The following SLC24A2 variants were observed in gnomAD, a reference collection of about 807,000 sequenced individuals.
The protein encoded by SLC24A2 is solute carrier family 24 member 2, also known as sodium/potassium/calcium exchanger 2.
A neutral mutation model predicts 62.0 loss-of-function variants in SLC24A2; 36 were observed. That is an observed-to-expected ratio of 0.58 (90% CI 0.44 to 0.77). SLC24A2 has a LOEUF of 0.77. Ranked by LOEUF, SLC24A2 falls within the 30% of genes least tolerant of loss-of-function variation. The pLI is 0.00. For missense variants in SLC24A2, 846 were observed against 817.9 expected (o/e 1.03, Z -0.42); for synonymous variants, 358 against 294.0 (o/e 1.22, Z -2.23).
At chr9:19,895,891 C>A in the SLC24A2 span, 9 of 1,613,280 alleles carry the variant, frequency 5.6e-6, no homozygotes, top group Admixed American at 1.3e-4. Context: ...CAGTGTGATG[C>A]GCCGGGCAGG....
chr9:20,247,344 C>G, the SLC24A2 span, among the ~76,000 whole-genome samples: 1 of 152,096 alleles, frequency 6.6e-6, no homozygotes, highest in Non-Finnish European at 1.5e-5. Context: ...AGCCTTGCCT[C>G]TCCCACTGCT....
chr9:19,833,255 G>T, the SLC24A2 span, among the ~76,000 whole-genome samples: 1 of 152,178 alleles, frequency 6.6e-6, no homozygotes, highest in African/African-American at 2.4e-5. Context: ...AGTGCACTGT[G>T]TGTGAGCCAA....
At chr9:20,263,859 CCG>C in the SLC24A2 span, among the ~76,000 whole-genome samples, 4 of 43,250 alleles carry the variant, frequency 9.2e-5, no homozygotes, top group African/African-American at 2.7e-4. Flanking sequence ...GATATCCCAC[CCG>C]CCCCCCCCCC....
At chr9:20,267,281 A>T in the SLC24A2 span, among the ~76,000 whole-genome samples, 1 of 152,158 alleles carries the variant, frequency 6.6e-6, no homozygotes, top group Non-Finnish European at 1.5e-5. Flanking sequence ...AACCATCACC[A>T]TCCCCACCCT....
the SLC24A2 span, among the ~76,000 whole-genome samples, chr9:20,086,065 A>T: frequency 6.6e-6 from 1 of 152,118 alleles, no homozygotes; most frequent in Non-Finnish European, 1.5e-5. Context: ...AGCTCACTGG[A>T]TGCATAAAAC....
At chr9:19,980,697 T>C in the SLC24A2 span, among the ~76,000 whole-genome samples, 1 of 152,164 alleles carries the variant, frequency 6.6e-6, no homozygotes, top group Non-Finnish European at 1.5e-5. Flanking sequence ...ATCTAGATGG[T>C]CATCTTACCT....
At chr9:20,111,440 G>T in the SLC24A2 span, among the ~76,000 whole-genome samples, 105 of 152,192 alleles carry the variant, frequency 6.9e-4, 3 homozygotes, top group South Asian at 0.011. Context: ...GTCTCTTATT[G>T]CTTTTCTAAA....
At chr9:20,108,939 G>C in the SLC24A2 span, among the ~76,000 whole-genome samples, 1 of 152,180 alleles carries the variant, frequency 6.6e-6, no homozygotes, top group South Asian at 2.1e-4. Context: ...CAACAATAGA[G>C]CACATATACT....
the SLC24A2 span, among the ~76,000 whole-genome samples, chr9:20,054,619 T>C: frequency 6.6e-6 from 1 of 152,194 alleles, no homozygotes; most frequent in African/African-American, 2.4e-5. Context: ...AAGTCCATTA[T>C]ATAATTCTTA....
the SLC24A2 span, among the ~76,000 whole-genome samples, chr9:20,300,755 A>G: frequency 6.6e-6 from 1 of 152,154 alleles, no homozygotes; most frequent in African/African-American, 2.4e-5. Flanking sequence ...TTTAATTAAT[A>G]CCTTCACAGA....
At chr9:19,686,041 G>T (rs1819871326) in intron 2 of SLC24A2, among the ~76,000 whole-genome samples, 1 of 152,052 alleles carries the variant, frequency 6.6e-6, no homozygotes, top group Admixed American at 6.6e-5. Context: ...ATAATATCCA[G>T]AATCTATAAG....
At chr9:19,899,601 C>A in the SLC24A2 span, among the ~76,000 whole-genome samples, 3 of 152,126 alleles carry the variant, frequency 2.0e-5, no homozygotes, top group South Asian at 6.2e-4. Context: ...ACAAAGAGAG[C>A]CAATGTTCTA....
chr9:20,051,042 A>C, the SLC24A2 span, among the ~76,000 whole-genome samples: 2 of 152,206 alleles, frequency 1.3e-5, no homozygotes, highest in Non-Finnish European at 2.9e-5. Context: ...CAAATATATC[A>C]CTAATTATAT....
chr9:19,901,094 C>T, the SLC24A2 span, among the ~76,000 whole-genome samples: 2 of 152,312 alleles, frequency 1.3e-5, no homozygotes, highest in East Asian at 1.9e-4. Flanking sequence ...GCCAGTCGTG[C>T]AGGCAACAAA....
the SLC24A2 span, among the ~76,000 whole-genome samples, chr9:20,113,282 G>A: frequency 6.6e-6 from 1 of 152,030 alleles, no homozygotes; most frequent in Non-Finnish European, 1.5e-5. Context: ...GCCAAATCCT[G>A]GCTGCACCAT....
At chr9:19,525,424 G>C (rs1211766970) in intron 9 of SLC24A2, among the ~76,000 whole-genome samples, 2 of 85,398 alleles carry the variant, frequency 2.3e-5, no homozygotes, top group Non-Finnish European at 4.3e-5. Context: ...TTTTTTAAAA[G>C]ACAGGGTCTT....
intron 2 of SLC24A2, among the ~76,000 whole-genome samples, chr9:19,626,026 G>A (rs571571498): frequency 8.5e-5 from 13 of 152,152 alleles, no homozygotes; most frequent in African/African-American, 3.1e-4. Flanking sequence ...CTACTTATTT[G>A]ATAGGTGTTT....
chr9:20,027,631 T>C, the SLC24A2 span, among the ~76,000 whole-genome samples: 1 of 152,066 alleles, frequency 6.6e-6, no homozygotes, highest in Non-Finnish European at 1.5e-5. Context: ...AGAATGGTGG[T>C]TATTAGAGGC....
chr9:19,949,296 C>T, the SLC24A2 span, among the ~76,000 whole-genome samples: 1 of 152,150 alleles, frequency 6.6e-6, no homozygotes, highest in Non-Finnish European at 1.5e-5. Flanking sequence ...GCCTGGCCCC[C>T]ACCTTCCATT....
Sources: allele counts gnomAD v4.1 joint callset (sites outside exome capture counted in the v4.1 genomes callset), GRCh38; gene constraint gnomAD v4.1.1; transcripts MANE v1.5; gene names NCBI Gene and HGNC (gene_info 2026-07-23, HGNC 2026-07-21).